The following CNTLN variants were observed in gnomAD, a reference collection of about 807,000 sequenced individuals.
The protein encoded by CNTLN is centlein, centrosomal protein.
CNTLN carries 212 observed loss-of-function variants against 180.0 expected under a neutral mutation model. The observed-to-expected ratio is 1.18, with a 90% CI of 1.05 to 1.32. The LOEUF is 1.32. Among genes scored for constraint, CNTLN ranks in the 40% most tolerant of loss-of-function variants. The probability of loss-of-function intolerance (pLI) is 0.00; values close to 1 mark genes in which losing one functional copy is unlikely to be tolerated. For missense variants in CNTLN, 2,095 were observed against 1,610.9 expected (o/e 1.30, Z -5.14); for synonymous variants, 722 against 563.1 (o/e 1.28, Z -3.99).
chr9:17,139,052 G>A (rs1428042375), intron 1 of CNTLN, among the ~76,000 whole-genome samples: 1 of 151,470 alleles, frequency 6.6e-6, no homozygotes, highest in Non-Finnish European at 1.5e-5. Flanking sequence ...GATTCTGTTT[G>A]GAAGTTCTAT....
At chr9:17,459,748 G>T (rs973831142) in intron 19 of CNTLN, among the ~76,000 whole-genome samples, 1 of 151,634 alleles carries the variant, frequency 6.6e-6, no homozygotes, top group African/African-American at 2.4e-5. Flanking sequence ...TCTTTACATG[G>T]TCTTCCTTCT....
chr9:17,179,801 C>G (rs550515967), intron 2 of CNTLN, among the ~76,000 whole-genome samples: 1 of 151,956 alleles, frequency 6.6e-6, no homozygotes, highest in Non-Finnish European at 1.5e-5. Context: ...ATCTATTACT[C>G]TTTTCAGTTC....
At chr9:17,315,400 C>G (rs911975398) in intron 8 of CNTLN, among the ~76,000 whole-genome samples, 4 of 151,994 alleles carry the variant, frequency 2.6e-5, no homozygotes, top group Non-Finnish European at 4.4e-5. Flanking sequence ...CTTTTTATAG[C>G]TTCTCTTTAT....
intron 2 of CNTLN, among the ~76,000 whole-genome samples, chr9:17,143,930 A>G (rs1288811565): frequency 6.6e-6 from 1 of 152,206 alleles, no homozygotes; most frequent in Non-Finnish European, 1.5e-5. Flanking sequence ...AAACAGTGGA[A>G]TGATGCTGGG....
At chr9:17,308,979 TACAC>T (rs1370354187) in intron 7 of CNTLN, 75 bp from the exon 8 acceptor site, 132 of 769,082 alleles carry the variant, frequency 1.7e-4, no homozygotes, top group Middle Eastern at 4.4e-4. Flanking sequence ...TATGTATATA[TACAC>T]ACACACACAC....
intron 6 of CNTLN, among the ~76,000 whole-genome samples, chr9:17,284,230 A>G (rs901849863): frequency 6.6e-6 from 1 of 152,040 alleles, no homozygotes; most frequent in Non-Finnish European, 1.5e-5. Flanking sequence ...ATTGGCCTGA[A>G]GTTTTTATTT....
At chr9:17,356,200 G>A (rs1822832278) in intron 12 of CNTLN, among the ~76,000 whole-genome samples, 1 of 152,060 alleles carries the variant, frequency 6.6e-6, no homozygotes, top group Non-Finnish European at 1.5e-5. Flanking sequence ...TTCTTATCAG[G>A]ATCTGTTTTA....
rs371036103 is a variant in CNTLN at position 17,299,944 on chromosome 9, A to G, written c.1146+1592A>G. The G allele has an allele frequency of 9.7e-5, 22 of 227,542 alleles. No homozygotes were observed. The East Asian group carries it at 4.0e-3, about 41-fold the overall frequency. 14.1% of individuals were successfully genotyped at this position (227,542 alleles called of 1,614,324 possible). A position where few individuals can be genotyped will look rare whatever the true frequency, so the allele number is the denominator to read the frequency against. On this transcript the variant is annotated intron_variant, in intron 7 of 25. Transcript: ENST00000380647. Reference sequence around the variant, plus strand: ...TTTTAATTTCTTTGTGGTCCTCCCCAGTCTCCATGTCCTGTAAAGTGTGAA... The same window carrying G: ...TTTTAATTTCTTTGTGGTCCTCCCCGGTCTCCATGTCCTGTAAAGTGTGAA...
Position 17,331,870 on chromosome 9 carries a change from G to A in CNTLN, c.1519-735G>A, listed in dbSNP as rs542661127. Among the ~76,000 whole-genome samples the A allele has an allele frequency of 3.1e-4, 47 of 152,018 alleles. No homozygotes were observed. The South Asian group carries it at 7.1e-3, about 23-fold the overall frequency. ...CCGGGCCTAATTTGGTTGCTTGCTC[G>A]ATTGCTGAAATTTAAAAATGTATGA... On this transcript the variant is annotated intron_variant, in intron 9 of 25. Coordinates refer to ENST00000380647, the MANE Select transcript of CNTLN (RefSeq NM_017738.4).
intron 8 of CNTLN, among the ~76,000 whole-genome samples, chr9:17,309,786 G>C (rs576339522): frequency 6.6e-6 from 1 of 152,112 alleles, no homozygotes; most frequent in East Asian, 1.9e-4. Flanking sequence ...TTAGCATATA[G>C]AAAATGTTAA....
At chr9:17,527,299 C>T in the CNTLN span, among the ~76,000 whole-genome samples, 1 of 152,176 alleles carries the variant, frequency 6.6e-6, no homozygotes, top group Non-Finnish European at 1.5e-5. Context: ...ATTGTTCATA[C>T]CCTGCACAGC....
chr9:17,369,309 G>A (rs766777934), intron 13 of CNTLN, among the ~76,000 whole-genome samples: 3 of 152,004 alleles, frequency 2.0e-5, no homozygotes, highest in Non-Finnish European at 4.4e-5. Context: ...CAGCCATGCT[G>A]AGTTGTGAGT....
the CNTLN span, among the ~76,000 whole-genome samples, chr9:17,519,893 T>G: frequency 6.6e-6 from 1 of 152,178 alleles, no homozygotes; most frequent in East Asian, 1.9e-4. Context: ...AGCTACAGTA[T>G]AGCTGGGGTG....
In CNTLN at chr9:17,135,182, G is replaced by T. The variant is rs910503014; in HGVS notation, c.117G>T (p.Ser39=). The T allele has an allele frequency of 3.1e-6, 5 of 1,610,568 alleles. No individual in the cohort carries two copies. The highest frequency in any genetic ancestry group is 4.2e-6 in the Non-Finnish European group (5 of 1,178,946). Residue 39 remains serine (S), a synonymous_variant, in exon 1 of 26, where the codon TCG becomes TCT. Coordinates refer to ENST00000380647, the MANE Select transcript of CNTLN (RefSeq NM_017738.4). ...AEVHAMRSEA[S]GFAGAAREVV... ...TACACGCAATGCGCAGCGAGGCCTCGGGTTTTGCCGGCGCAGCGCGGGAGG... is the reference window on the plus strand; with the variant it reads ...TACACGCAATGCGCAGCGAGGCCTCTGGTTTTGCCGGCGCAGCGCGGGAGG...
At chr9:17,417,077 C>A (rs1587937976) in intron 18 of CNTLN, among the ~76,000 whole-genome samples, 1 of 152,214 alleles carries the variant, frequency 6.6e-6, no homozygotes, top group South Asian at 2.1e-4. Context: ...TATACCCAAA[C>A]CTTAACTGCA....
intron 2 of CNTLN, among the ~76,000 whole-genome samples, chr9:17,212,971 G>T (rs774512239): frequency 6.6e-6 from 1 of 152,036 alleles, no homozygotes; most frequent in Non-Finnish European, 1.5e-5. Context: ...CTTGCTAGCG[G>T]TCTATCAATT....
At chr9:17,226,332 G>C (rs1366502164) in intron 3 of CNTLN, 45 bp downstream of exon 3, 2 of 1,049,094 alleles carry the variant, frequency 1.9e-6, no homozygotes, top group South Asian at 3.7e-5. Context: ...TATTTGTTTT[G>C]GGTAGTAGAT....
At chr9:17,436,135 A>G (rs1320617192) in intron 18 of CNTLN, among the ~76,000 whole-genome samples, 2 of 152,234 alleles carry the variant, frequency 1.3e-5, no homozygotes. Context: ...TATGTTCTAT[A>G]GTGCCCACAC....
At chr9:17,163,876 G>A (rs1819859925) in intron 2 of CNTLN, among the ~76,000 whole-genome samples, 1 of 148,522 alleles carries the variant, frequency 6.7e-6, no homozygotes, top group South Asian at 2.1e-4. Context: ...AAAATTAGTT[G>A]GGTGTGGTGG....
Sources: gnomAD v4.1 joint callset for allele counts (sites outside exome capture counted in the v4.1 genomes callset) on GRCh38, gnomAD v4.1.1 for gene constraint, MANE v1.5 for transcripts, NCBI Gene and HGNC (gene_info 2026-07-23, HGNC 2026-07-21) for gene names.